ZBTB20: variants seen among roughly 807,000 people sequenced by gnomAD.
The protein encoded by ZBTB20 is zinc finger and BTB domain containing 20.
In ZBTB20, 9 loss-of-function variants were observed where a neutral mutation model predicts 56.9. The observed-to-expected ratio is 0.16, with a 90% CI of 0.10 to 0.28. The LOEUF (loss-of-function observed/expected upper bound fraction) is 0.28. Ranked by LOEUF, ZBTB20 falls within the 10% of genes least tolerant of loss-of-function variation. The probability of loss-of-function intolerance (pLI) is 1.00; values close to 1 mark genes in which losing one functional copy is unlikely to be tolerated. For missense variants in ZBTB20, 655 were observed against 1,003.0 expected, an observed-to-expected ratio of 0.65 and a Z score of 4.69; for synonymous variants, 417 against 420.7, an observed-to-expected ratio of 0.99 and a Z score of 0.11.
At chr3:114,663,662 C>A (rs1453108974) in intron 6 of ZBTB20, among the ~76,000 whole-genome samples, 1 of 151,174 alleles carries the variant, frequency 6.6e-6, no homozygotes, top group African/African-American at 2.4e-5. Flanking sequence ...TGCAGAGACA[C>A]ACATAGGCTC....
rs2079040670 is a variant in ZBTB20 at position 114,325,684 on chromosome 3, T to A, written c.*13321A>T. ...CAGACCTGTATCAAATTTGGTCCCA[T>A]CACATTGTCCTGTTCCCTCTCTTTG... On this transcript the variant is annotated 3_prime_UTR_variant, in exon 12 of 12. Transcript: ENST00000675478. 1 of 152,160 alleles carries A rather than the reference T, an allele frequency of 6.6e-6. No individual in the cohort carries two copies. Among genetic ancestry groups the A allele is most frequent in the African/African-American group, 2.4e-5 (1 of 41,426 alleles). The allele number at this position is 152,160 out of a possible 1,614,324, so 9.4% of individuals were successfully genotyped here. A position where few individuals can be genotyped will look rare whatever the true frequency, so the allele number is the denominator to read the frequency against.
rs181063223 is a variant in ZBTB20 at position 114,665,242 on chromosome 3, C to G, written c.-295+28286G>C. On this transcript the variant is annotated intron_variant, in intron 6 of 11. Transcript: ENST00000675478. ...ATATGTTTACATATGTAAATACTTA[C>G]CATCTACTCTGTTACAATTGCCTAC... 8.5e-5 allele frequency among the ~76,000 whole-genome samples: 13 copies of G among 152,050 alleles called. No homozygotes were observed. In the East Asian group the frequency reaches 1.7e-3, roughly 20 times the overall value.
intron 2 of ZBTB20, among the ~76,000 whole-genome samples, chr3:115,059,382 G>T (rs1329907014): frequency 6.6e-6 from 1 of 152,142 alleles, no homozygotes; most frequent in Non-Finnish European, 1.5e-5. Flanking sequence ...ATTAGGGCAG[G>T]CTTGTTAGGC....
At chr3:114,838,802 A>T (rs1283825935) in intron 4 of ZBTB20, among the ~76,000 whole-genome samples, 1 of 152,160 alleles carries the variant, frequency 6.6e-6, no homozygotes, top group Non-Finnish European at 1.5e-5. Context: ...GGAGAAATTC[A>T]TAGAAGATAT....
intron 3 of ZBTB20, among the ~76,000 whole-genome samples, chr3:114,960,006 A>G (rs557031378): frequency 6.6e-6 from 1 of 152,336 alleles, no homozygotes; most frequent in Admixed American, 6.5e-5. Context: ...GTTTAGAAGC[A>G]GCCTTTGTAA....
At chr3:114,868,294 A>T (rs2107526274) in intron 4 of ZBTB20, among the ~76,000 whole-genome samples, 1 of 152,292 alleles carries the variant, frequency 6.6e-6, no homozygotes, top group South Asian at 2.1e-4. Context: ...ACTGACAATA[A>T]GACCTGCTCC....
chr3:114,767,845 C>T (rs1292531976), intron 5 of ZBTB20, among the ~76,000 whole-genome samples: 1 of 151,974 alleles, frequency 6.6e-6, no homozygotes, highest in Non-Finnish European at 1.5e-5. Flanking sequence ...AGCTCTAACT[C>T]AACAGTTCCA....
intron 5 of ZBTB20, among the ~76,000 whole-genome samples, chr3:114,748,398 T>C (rs1440572451): frequency 8.9e-6 from 1 of 111,738 alleles, no homozygotes; most frequent in African/African-American, 2.8e-5. Flanking sequence ...TTTGGCTTTG[T>C]TGTAGCTTCC....
At chr3:115,014,466 C>T (rs951495908) in intron 2 of ZBTB20, among the ~76,000 whole-genome samples, 9 of 151,634 alleles carry the variant, frequency 5.9e-5, no homozygotes, top group African/African-American at 1.9e-4. Flanking sequence ...GGTGGATACT[C>T]GATACTCCAT....
chr3:114,984,053 T>G (rs1267177958), intron 2 of ZBTB20, among the ~76,000 whole-genome samples: 1 of 151,992 alleles, frequency 6.6e-6, no homozygotes, highest in Admixed American at 6.6e-5. Context: ...ATTGATATGA[T>G]ACACACTCCT....
intron 3 of ZBTB20, among the ~76,000 whole-genome samples, chr3:114,924,639 G>C (rs2076084274): frequency 1.3e-5 from 2 of 152,320 alleles, no homozygotes; most frequent in South Asian, 4.1e-4. Flanking sequence ...CTAATGTACA[G>C]AATGGGTGGT....
At chr3:115,070,936 C>T (rs1398472857) in intron 2 of ZBTB20, among the ~76,000 whole-genome samples, 4 of 151,596 alleles carry the variant, frequency 2.6e-5, no homozygotes, top group Non-Finnish European at 5.9e-5. Context: ...GCAGTTACTA[C>T]TTATGTGATG....
intron 1 of ZBTB20, among the ~76,000 whole-genome samples, chr3:115,128,405 T>A (rs893064286): frequency 7.9e-5 from 12 of 152,090 alleles, no homozygotes; most frequent in African/African-American, 2.9e-4. Flanking sequence ...GACTCACACC[T>A]GTAATCCCAA....
At chr3:114,964,355 C>T (rs1447864202) in intron 3 of ZBTB20, among the ~76,000 whole-genome samples, 1 of 152,116 alleles carries the variant, frequency 6.6e-6, no homozygotes, top group Non-Finnish European at 1.5e-5. Flanking sequence ...GCAGAAGTTG[C>T]AATGAGCCAA....
rs116779318 is a variant in ZBTB20, at chr3:114,751,675, C to G, written c.-343+49426G>C. Among the ~76,000 whole-genome samples, 1,022 of 152,200 alleles carry G rather than the reference C, an allele frequency of 6.7e-3. 7 individuals are homozygous for G. Among genetic ancestry groups the G allele is most frequent in the Non-Finnish European group, 0.012 (817 of 67,964 alleles). ...ATAAGAGCGTTGGATTTACAAGTTT[C>G]TTTTAATAAAACAAACCAAGTTAAT... On this transcript the variant is annotated intron_variant, in intron 5 of 11. Coordinates refer to ENST00000675478, the MANE Select transcript of ZBTB20 (RefSeq NM_001348800.3).
intron 6 of ZBTB20, among the ~76,000 whole-genome samples, chr3:114,678,590 T>C (rs1317394927): frequency 6.6e-6 from 1 of 152,306 alleles, no homozygotes; most frequent in East Asian, 1.9e-4. Flanking sequence ...CACTGCATCT[T>C]ATGTATGACT....
At chr3:115,127,826 T>C (rs1291550464) in intron 1 of ZBTB20, among the ~76,000 whole-genome samples, 1 of 152,164 alleles carries the variant, frequency 6.6e-6, no homozygotes, top group African/African-American at 2.4e-5. Flanking sequence ...GAGAAGCAGG[T>C]CTTGATAGAA....
intron 3 of ZBTB20, among the ~76,000 whole-genome samples, chr3:114,962,005 T>A (rs1027734970): frequency 2.9e-4 from 44 of 152,096 alleles, no homozygotes; most frequent in African/African-American, 1.1e-3. Context: ...TAGATTTTTG[T>A]CCATTAATTA....
At chr3:114,810,684 T>A (rs908566345) in intron 4 of ZBTB20, among the ~76,000 whole-genome samples, 1 of 152,224 alleles carries the variant, frequency 6.6e-6, no homozygotes, top group African/African-American at 2.4e-5. Context: ...CCTTTTAATC[T>A]ATAGTGGGCA....
Sources: gnomAD v4.1 joint callset for allele counts (sites outside exome capture counted in the v4.1 genomes callset) on GRCh38, gnomAD v4.1.1 for gene constraint, MANE v1.5 for transcripts, NCBI Gene and HGNC (gene_info 2026-07-23, HGNC 2026-07-21) for gene names.